The following DUSP10 variants were observed in gnomAD, a reference collection of about 807,000 sequenced individuals.
DUSP10 encodes the protein dual specificity protein phosphatase 10.
DUSP10 carries 14 observed loss-of-function variants against 30.8 expected under a neutral mutation model. That is an observed-to-expected ratio of 0.46 (90% CI 0.30 to 0.71). DUSP10 has a LOEUF of 0.71. Ranked by LOEUF, DUSP10 falls within the 30% of genes least tolerant of loss-of-function variation. The pLI is 0.08. For missense variants in DUSP10, 550 were observed against 619.4 expected (o/e 0.89, Z 1.19); for synonymous variants, 254 against 250.4 (o/e 1.01, Z -0.14).
intron 2 of DUSP10, among the ~76,000 whole-genome samples, chr1:221,730,729 G>A (rs60215752): frequency 0.012 from 1,773 of 152,058 alleles, 32 homozygotes; most frequent in African/African-American, 0.04. Context: ...AAAAACATAC[G>A]CTCAAAGTTT....
chr1:221,706,804 C>T lies in DUSP10; in HGVS notation c.812-338G>A, dbSNP rs923664321. On this transcript the variant is annotated intron_variant, in intron 2 of 3. Coordinates refer to ENST00000366899, the MANE Select transcript of DUSP10 (RefSeq NM_007207.6). The surrounding 1 kb of genome is among the most constrained non-coding windows in gnomAD (Gnocchi z 4.6). Reference sequence around the variant, plus strand: ...TGCAAATGTGACCTGCCTCAAAGAGCCATATGCTCAGTGGCCTACATAGAA... The same window carrying T: ...TGCAAATGTGACCTGCCTCAAAGAGTCATATGCTCAGTGGCCTACATAGAA... 6.6e-6 allele frequency among the ~76,000 whole-genome samples: 1 copy of T among 152,046 alleles called. No homozygotes were observed. Among genetic ancestry groups the T allele is most frequent in the Non-Finnish European group, 1.5e-5 (1 of 68,024 alleles).
intron 2 of DUSP10, among the ~76,000 whole-genome samples, chr1:221,733,215 T>G (rs752660277): frequency 2.2e-4 from 33 of 152,128 alleles, no homozygotes; most frequent in Non-Finnish European, 4.3e-4. Context: ...TGACGGAAAG[T>G]TTTTCTGCTC....
rs757361334 is a variant in DUSP10, at chr1:221,738,994, G to T, written c.751C>A (p.Pro251Thr). ...AGGGACTCGAGGACTATGTGAAGTG[G>T]CTGGGAGGGCATCACTCGGCTTGGT... ...NEPSRVMPSQ[P>T]LHIVLESLKR... The change falls in exon 2 of 4, where the codon CCA becomes ACA. Residue 251 changes from proline to threonine, a missense_variant. Transcript: ENST00000366899. 6.2e-7 allele frequency: 1 copy of T among 1,614,004 alleles called. No homozygotes were observed. The highest frequency in any genetic ancestry group is 1.1e-5 in the South Asian group (1 of 91,078).
chr1:221,730,317 G>C (rs188432240), intron 2 of DUSP10, among the ~76,000 whole-genome samples: 1 of 152,278 alleles, frequency 6.6e-6, no homozygotes, highest in East Asian at 1.9e-4. Flanking sequence ...ATTATAACAC[G>C]AGAGGTTTAA....
chr1:221,710,922 A>G (rs933404936), intron 2 of DUSP10, among the ~76,000 whole-genome samples: 1 of 151,010 alleles, frequency 6.6e-6, no homozygotes, highest in African/African-American at 2.4e-5. Flanking sequence ...ATGAGCAACA[A>G]TGCTGGGGTA....
Position 221,702,669 on chromosome 1 carries a change from G to A in DUSP10, c.1192C>T (p.His398Tyr). 3 of 1,613,444 alleles carry A rather than the reference G, an allele frequency of 1.9e-6. No homozygotes were observed. The highest frequency in any genetic ancestry group is 2.5e-6 in the Non-Finnish European group (3 of 1,179,456). ...EEAFEFIEEA[H>Y]QCGKGLLIHC... Reference sequence around the variant, plus strand: ...ATGAGAAGCCCCTTCCCACACTGGTGAGCTTCCTCTGAAAAAAGGGAGAAA... The same window carrying A: ...ATGAGAAGCCCCTTCCCACACTGGTAAGCTTCCTCTGAAAAAAGGGAGAAA... Residue 398 changes from histidine to tyrosine, a missense_variant, in exon 4 of 4, where the codon CAC becomes TAC. By Grantham distance (83) the His-to-Tyr change is moderately conservative. Coordinates refer to ENST00000366899, the MANE Select transcript of DUSP10 (RefSeq NM_007207.6). The surrounding 1 kb of genome is among the most constrained non-coding windows in gnomAD (Gnocchi z 4.5).
chr1:221,724,717 G>A (rs1044247634), intron 2 of DUSP10, among the ~76,000 whole-genome samples: 3 of 152,156 alleles, frequency 2.0e-5, no homozygotes, highest in Admixed American at 1.3e-4. Flanking sequence ...GTTTGCATGT[G>A]AATGTGTGTG....
rs1660787172 is a variant in DUSP10, at chr1:221,706,916, AG to A, written c.812-451del. On this transcript the variant is annotated intron_variant, in intron 2 of 3. Transcript: ENST00000366899. The surrounding 1 kb of genome is among the most constrained non-coding windows in gnomAD (Gnocchi z 4.6). ...CAGGAGCATGTCTTGCACCCTTCAT[AG>A]CTCACCTCACCCAGAGGGACAAGTT... Among the ~76,000 whole-genome samples the A allele has an allele frequency of 6.6e-6, 1 of 152,176 alleles. No individual in the cohort carries two copies. The highest frequency in any genetic ancestry group is 1.5e-5 in the Non-Finnish European group (1 of 68,032).
intron 3 of DUSP10, among the ~76,000 whole-genome samples, chr1:221,704,027 G>A (rs540402353): frequency 6.6e-6 from 1 of 152,188 alleles, no homozygotes. Flanking sequence ...ATGGTGGTGA[G>A]AGAATGAGCT....
At chr1:221,731,994 T>C (rs1384904333) in intron 2 of DUSP10, among the ~76,000 whole-genome samples, 1 of 152,176 alleles carries the variant, frequency 6.6e-6, no homozygotes, top group East Asian at 1.9e-4. Flanking sequence ...AAACACTCCC[T>C]AAATAAGATT....
Position 221,706,602 on chromosome 1 carries a change from AAAAAT to A in DUSP10, c.812-141_812-137del, listed in dbSNP as rs1660770616. 1.8e-6 allele frequency: 1 copy of A among 560,928 alleles called. No homozygotes were observed. The highest frequency in any genetic ancestry group is 2.7e-6 in the Non-Finnish European group (1 of 363,650). 34.7% of individuals were successfully genotyped at this position (560,928 alleles called of 1,614,324 possible). ...ATATATAAATATGTATTTAAGCAAA[AAAAAT>A]AAAAATAAAAATAAAACAAAACAAA... On this transcript the variant is annotated intron_variant, in intron 2 of 3. Transcript: ENST00000366899. The surrounding 1 kb of genome is among the most constrained non-coding windows in gnomAD (Gnocchi z 4.6).
At chr1:221,733,787 G>C (rs1482251402) in intron 2 of DUSP10, among the ~76,000 whole-genome samples, 5 of 152,240 alleles carry the variant, frequency 3.3e-5, no homozygotes, top group African/African-American at 7.2e-5. Flanking sequence ...GAAATGCCTA[G>C]ATTTGAACCC....
chr1:221,738,558 G>A (rs907253152), intron 2 of DUSP10, among the ~76,000 whole-genome samples: 1 of 152,232 alleles, frequency 6.6e-6, no homozygotes, highest in Non-Finnish European at 1.5e-5. Flanking sequence ...GGTTAAGTCT[G>A]AGAGACAATA....
chr1:221,737,236 A>G (rs769042087), intron 2 of DUSP10: 10 of 985,438 alleles, frequency 1.0e-5, no homozygotes, highest in Non-Finnish European at 1.2e-5. Flanking sequence ...GATCATGAAG[A>G]CACAAAAGAC....
At position 221,706,081 on chromosome 1, in the gene DUSP10, T is replaced by A; in HGVS notation, c.1183+14A>T. On this transcript the variant is annotated intron_variant, in intron 3 of 3. Coordinates refer to ENST00000366899, the MANE Select transcript of DUSP10 (RefSeq NM_007207.6). The surrounding 1 kb of genome is among the most constrained non-coding windows in gnomAD (Gnocchi z 4.6). ...GAAGGCAGCGGATGAAAATTCCCTA[T>A]GGGAGATAGTTACCAATGAACTCAA... The A allele has an allele frequency of 6.2e-7, 1 of 1,608,072 alleles. No individual in the cohort carries two copies. The highest frequency in any genetic ancestry group is 8.5e-7 in the Non-Finnish European group (1 of 1,176,168).
chr1:221,709,548 GAA>G, intron 2 of DUSP10, among the ~76,000 whole-genome samples: 1 of 152,090 alleles, frequency 6.6e-6, no homozygotes, highest in Non-Finnish European at 1.5e-5. Context: ...GGGGTCTGAA[GAA>G]ATAGTCTCCT....
intron 1 of DUSP10, 31 bp from the exon 2 acceptor site, chr1:221,739,818 A>G: frequency 6.7e-7 from 1 of 1,494,040 alleles, no homozygotes; most frequent in South Asian, 1.4e-5. Context: ...GAAAGAAAGA[A>G]TAAAGTCACG....
intron 2 of DUSP10, among the ~76,000 whole-genome samples, chr1:221,732,252 G>C (rs1481196823): frequency 6.6e-6 from 1 of 152,206 alleles, no homozygotes; most frequent in African/African-American, 2.4e-5. Context: ...CTACCAAAAA[G>C]TCCCTAGAAG....
At chr1:221,726,618 TACATAAAGTG>T (rs1661432446) in intron 2 of DUSP10, among the ~76,000 whole-genome samples, 1 of 150,818 alleles carries the variant, frequency 6.6e-6, no homozygotes, top group Non-Finnish European at 1.5e-5. Flanking sequence ...ACAATAAGTA[TACATAAAGTG>T]TTTCTGCTAA....
Sources: allele counts gnomAD v4.1 joint callset (sites outside exome capture counted in the v4.1 genomes callset), GRCh38; gene constraint gnomAD v4.1.1; non-coding constraint Gnocchi (gnomAD v3.1); transcripts MANE v1.5; gene names NCBI Gene and HGNC (gene_info 2026-07-23, HGNC 2026-07-21).